CFAP100: variants seen among roughly 807,000 people sequenced by gnomAD.
The protein encoded by CFAP100 is cilia and flagella associated protein 100.
In CFAP100, 70 loss-of-function variants were observed where a neutral mutation model predicts 81.5. That is an observed-to-expected ratio of 0.86 (90% CI 0.71 to 1.05). The LOEUF (loss-of-function observed/expected upper bound fraction) is 1.05, where lower values mean the gene tolerates loss of function less well. CFAP100 is among the 50% of genes least tolerant of loss of function. The pLI, the probability that CFAP100 is intolerant of heterozygous loss-of-function variation, is 0.00. For synonymous variants in CFAP100, 341 were observed against 314.8 expected (o/e 1.08, Z -0.88); for missense variants, 811 against 776.5 (o/e 1.04, Z -0.53).
At position 126,423,362 on chromosome 3, in the gene CFAP100, G is replaced by A. The variant is rs151214306; in HGVS notation, c.1120G>A (p.Asp374Asn). 2.5e-5 allele frequency: 40 copies of A among 1,613,606 alleles called. No homozygotes were observed. The highest frequency in any genetic ancestry group is 8.9e-5 in the East Asian group (4 of 44,858). ...SPIPPTQEDTDSDGEEPQLYF... is the reference protein window; with the variant it reads ...SPIPPTQEDTNSDGEEPQLYF... ...CATCCCCCCCACGCAGGAGGACACC[G>A]ACAGCGATGGGGAGGTGAATGGCCC... Residue 374 changes from aspartate to asparagine, a missense_variant, in exon 12 of 17, where the codon GAC becomes AAC. Asp to Asn is a conservative substitution (Grantham distance 23). Coordinates refer to ENST00000352312, the MANE Select transcript of CFAP100 (RefSeq NM_182628.3).
At chr3:126,407,312 GC>G in intron 3 of CFAP100, 60 bp downstream of exon 3, 2 of 1,112,938 alleles carry the variant, frequency 1.8e-6, no homozygotes. Context: ...CTCTCCCTCT[GC>G]CCCCAGATCC....
chr3:126,416,419 A>G lies in CFAP100; in HGVS notation c.329A>G (p.Asp110Gly). The G allele has an allele frequency of 6.2e-7, 1 of 1,612,004 alleles. No individual in the cohort carries two copies. The highest frequency in any genetic ancestry group is 8.5e-7 in the Non-Finnish European group (1 of 1,179,550). Residue 110 changes from aspartate to glycine, a missense_variant, in exon 5 of 17, where the codon GAC becomes GGC. By Grantham distance (94) the Asp-to-Gly change is moderately conservative. Transcript: ENST00000352312. ...TSLRRQLQLE[D>G]KQEDLEARAE... ...CTGCGGCGGCAGCTGCAGCTGGAGG[A>G]CAAGCAGGAGGACCTGGAGGCGCGC... is the stretch of plus-strand genomic sequence containing the variant.
intron 7 of CFAP100, 105 bp from the exon 8 acceptor site, chr3:126,418,971 G>A: frequency 1.0e-6 from 1 of 972,040 alleles, no homozygotes; most frequent in Non-Finnish European, 1.5e-6. Context: ...CCTGTCCGGA[G>A]CCGGGCCCAG....
At position 126,432,077 on chromosome 3, in the gene CFAP100, G is replaced by C. The variant is rs192756571; in HGVS notation, c.1287-992G>C. On this transcript the variant is annotated intron_variant, in intron 13 of 16. Transcript: ENST00000352312. ...AGGAGGATCACAAGGTCAGGAGATC[G>C]AGACCATCCTGGCTAACACAGTGAA... 5.1e-3 allele frequency among the ~76,000 whole-genome samples: 782 copies of C among 152,074 alleles called. 6 individuals carry two copies. The highest frequency in any genetic ancestry group is 0.018 in the African/African-American group (728 of 41,468).
At chr3:126,396,116 T>C in intron 2 of CFAP100, 67 bp downstream of exon 2, 1 of 1,256,212 alleles carries the variant, frequency 8.0e-7, no homozygotes, top group Non-Finnish European at 1.2e-6. Flanking sequence ...TCCAGCTCCC[T>C]CACAGGTTAA....
intron 11 of CFAP100, among the ~76,000 whole-genome samples, chr3:126,421,921 A>G (rs73859268): frequency 0.01 from 1,533 of 152,264 alleles, 28 homozygotes; most frequent in African/African-American, 0.034. Flanking sequence ...CAGAGGTTCT[A>G]ATGTATGCAG....
intron 2 of CFAP100, among the ~76,000 whole-genome samples, chr3:126,400,004 C>T (rs145629521): frequency 1.3e-5 from 2 of 152,290 alleles, no homozygotes; most frequent in African/African-American, 4.8e-5. Flanking sequence ...ATTGTTCCAA[C>T]TCCAGGGTCT....
At chr3:126,435,717 T>C (rs1379003047) in intron 16 of CFAP100, 65 bp downstream of exon 16, 23 of 1,313,196 alleles carry the variant, frequency 1.8e-5, no homozygotes, top group Non-Finnish European at 2.3e-5. Context: ...GCAGCTGAGG[T>C]CCTGCAGCCC....
At chr3:126,433,373 C>A in intron 14 of CFAP100, 169 bp downstream of exon 14, 1 of 714,610 alleles carries the variant, frequency 1.4e-6, no homozygotes, top group Non-Finnish European at 2.3e-6. Flanking sequence ...GTATTGATGC[C>A]TGTGCCAGCC....
In CFAP100 at chr3:126,429,765, T is replaced by TTATACTTTTG. The variant is rs558576998; in HGVS notation, c.1287-3300_1287-3291dup. Among the ~76,000 whole-genome samples, 69 of 152,322 alleles carry TTATACTTTTG rather than the reference T, an allele frequency of 4.5e-4. No individual in the cohort carries two copies. The East Asian group carries it at 0.013, about 28-fold the overall frequency. ...GTGATGTTACATTTACCAGTGAGATTTATACTTTTGTATGCTTTCGTGTTG... is the reference window on the plus strand; with the variant it reads ...GTGATGTTACATTTACCAGTGAGATTTATACTTTTGTATACTTTTGTATGCTTTCGTGTTG... On this transcript the variant is annotated intron_variant, in intron 13 of 16. Transcript: ENST00000352312.
chr3:126,407,259 T>G lies in CFAP100; in HGVS notation c.130+7T>G. 6.2e-7 allele frequency: 1 copy of G among 1,610,266 alleles called. No individual in the cohort carries two copies. The highest frequency in any genetic ancestry group is 8.5e-7 in the Non-Finnish European group (1 of 1,177,144). On this transcript the variant is annotated splice_region_variant and intron_variant, in intron 3 of 16. Transcript: ENST00000352312. ...CAGGCAAGAAAAAACGAAGGTAACC[T>G]TCAAGCTGGGAGGCTAAAGTCCAAG... is the stretch of plus-strand genomic sequence containing the variant.
Position 126,434,539 on chromosome 3 carries a change from G to A in CFAP100, c.1628+158G>A, listed in dbSNP as rs1933369645. 5 of 718,720 alleles carry A rather than the reference G, an allele frequency of 7.0e-6. No individual in the cohort carries two copies. In the East Asian group the frequency reaches 8.5e-5, roughly 12 times the overall value. The allele number at this position is 718,720 out of a possible 1,614,324, so 44.5% of individuals were successfully genotyped here. A position where few individuals can be genotyped will look rare whatever the true frequency, so the allele number is the denominator to read the frequency against. On this transcript the variant is annotated intron_variant, in intron 15 of 16. Transcript: ENST00000352312. Reference sequence around the variant, plus strand: ...CCCATGTCTTGGGGGGATCTAGAGGGGCATCACAGTCAAGTGGGGGGTGGT... The same window carrying A: ...CCCATGTCTTGGGGGGATCTAGAGGAGCATCACAGTCAAGTGGGGGGTGGT...
intron 2 of CFAP100, among the ~76,000 whole-genome samples, chr3:126,402,921 G>A (rs1038814682): frequency 6.6e-6 from 1 of 152,050 alleles, no homozygotes; most frequent in South Asian, 2.1e-4. Context: ...AGGGGCGGAT[G>A]GGTCCAGTGC....
intron 5 of CFAP100, chr3:126,416,884 GTTA>G (rs10571277): frequency 0.049 from 8,071 of 165,292 alleles, 674 homozygotes; most frequent in African/African-American, 0.18. Context: ...TTTATTAGTC[GTTA>G]TTGTTTATCT....
At chr3:126,417,252 G>A (rs1399761623) in intron 5 of CFAP100, among the ~76,000 whole-genome samples, 2 of 152,120 alleles carry the variant, frequency 1.3e-5, no homozygotes, top group African/African-American at 4.8e-5. Context: ...CCAGCCTCAT[G>A]GATTGTGGGG....
At position 126,419,630 on chromosome 3, in the gene CFAP100, G is replaced by A. The variant is rs201592391; in HGVS notation, c.732-7G>A. 35 of 1,612,734 alleles carry A rather than the reference G, an allele frequency of 2.2e-5. No individual in the cohort carries two copies. The highest frequency in any genetic ancestry group is 9.9e-5 in the South Asian group (9 of 90,930). Reference sequence around the variant, plus strand: ...CCTTCCCACATCCTCACCCCGCCCCGGTGTAGTGAGATCTCCAGATTTGAA... The same window carrying A: ...CCTTCCCACATCCTCACCCCGCCCCAGTGTAGTGAGATCTCCAGATTTGAA... On this transcript the variant is annotated splice_polypyrimidine_tract_variant and splice_region_variant and intron_variant, in intron 8 of 16. Transcript: ENST00000352312.
intron 3 of CFAP100, among the ~76,000 whole-genome samples, chr3:126,411,388 G>C (rs1402310261): frequency 2.9e-4 from 2 of 6,934 alleles, no homozygotes; most frequent in African/African-American, 4.3e-4. Flanking sequence ...TTTTTTTTTT[G>C]CTCGTGTCCT....
chr3:126,407,764 TG>T (rs1259843571), intron 3 of CFAP100, among the ~76,000 whole-genome samples: 1 of 152,220 alleles, frequency 6.6e-6, no homozygotes, highest in Non-Finnish European at 1.5e-5. Context: ...ATTTGCCATA[TG>T]GCCATCAGGA....
Position 126,433,055 on chromosome 3 carries a change from T to C in CFAP100, c.1287-14T>C. ...CTGAGTGACTGATGCCCTGCCGGTT[T>C]TCCCCTCTTCCAGGGACAGGGAGGT... On this transcript the variant is annotated splice_polypyrimidine_tract_variant and intron_variant, in intron 13 of 16. Transcript: ENST00000352312. The C allele has an allele frequency of 3.7e-6, 6 of 1,613,792 alleles. No individual in the cohort carries two copies. In the South Asian group the frequency reaches 5.5e-5, roughly 15 times the overall value.
Sources: allele counts gnomAD v4.1 joint callset (sites outside exome capture counted in the v4.1 genomes callset), GRCh38; gene constraint gnomAD v4.1.1; transcripts MANE v1.5; gene names NCBI Gene and HGNC (gene_info 2026-07-23, HGNC 2026-07-21).